SLC38A5: variants seen among roughly 807,000 people sequenced by gnomAD.
SLC38A5 encodes the protein sodium-coupled neutral amino acid transporter 5.
SLC38A5 carries 9 observed loss-of-function variants against 34.6 expected under a neutral mutation model. The observed-to-expected ratio is 0.26, with a 90% CI of 0.16 to 0.45. SLC38A5 has a LOEUF of 0.45. SLC38A5 is among the 20% of genes least tolerant of loss of function. The probability of loss-of-function intolerance (pLI) is 1.00; values close to 1 mark genes in which losing one functional copy is unlikely to be tolerated. For missense variants in SLC38A5, 253 were observed against 394.7 expected (o/e 0.64, Z 3.04); for synonymous variants, 157 against 155.6 (o/e 1.01, Z -0.07).
At chrX:48,463,911 G>GA (rs782068302) in intron 8 of SLC38A5, among the ~76,000 whole-genome samples, 16 of 97,509 alleles carry the variant, frequency 1.6e-4, no homozygotes, top group African/African-American at 5.8e-4. Context: ...AAGAAAGAAA[G>GA]AGAAAGAAAG....
At chrX:48,465,040 G>C (rs2061465983) in intron 8 of SLC38A5, among the ~76,000 whole-genome samples, 1 of 110,991 alleles carries the variant, frequency 9.0e-6, no homozygotes, top group African/African-American at 3.3e-5. Flanking sequence ...TAGCCCATGG[G>C]ACCAGAGGCA....
chrX:48,468,485 G>A (rs1201098529), intron 2 of SLC38A5: 11 of 650,706 alleles, frequency 1.7e-5, no homozygotes, highest in South Asian at 1.6e-4. Flanking sequence ...CCCCAAGCCC[G>A]AGACCAGAGC....
intron 1 of SLC38A5, 62 bp from the exon 2 acceptor site, chrX:48,469,498 G>T (rs1556964497): frequency 9.0e-6 from 1 of 111,274 alleles, no homozygotes; most frequent in Non-Finnish European, 1.9e-5. Flanking sequence ...GGGGGAAGAG[G>T]TGGAGAAGGG....
chrX:48,466,748 T>C, intron 6 of SLC38A5, 51 bp downstream of exon 6: 2 of 1,132,693 alleles, frequency 1.8e-6, no homozygotes, highest in Non-Finnish European at 2.4e-6. Context: ...CTCCAGAGTC[T>C]GGGGTCCAAA....
chrX:48,465,960 C>A (rs1429142306), intron 8 of SLC38A5, 55 bp downstream of exon 8: 2 of 1,006,217 alleles, frequency 2.0e-6, no homozygotes, highest in East Asian at 3.2e-5. Flanking sequence ...ACTGACCGGG[C>A]CTCACAGGCA....
rs1569468277 is a variant in SLC38A5, at chrX:48,458,696, T to TCC, written c.*236_*237insGG. The TCC allele has an allele frequency of 0.013, 5,162 of 392,928 alleles. 283 individuals carry two copies. The African/African-American group carries it at 0.18, about 13-fold the overall frequency. 32.4% of individuals were successfully genotyped at this position (392,928 alleles called of 1,213,427 possible). Reference sequence around the variant, plus strand: ...CCTCCTCCTCCTCCTCCTCCTCCTCTTCTTCCTCCTCCTCCTCCTCCCATG... The same window carrying TCC: ...CCTCCTCCTCCTCCTCCTCCTCCTCTCCTCTTCCTCCTCCTCCTCCTCCCATG... On this transcript the variant is annotated 3_prime_UTR_variant, in exon 17 of 17. Transcript: ENST00000620913.
chrX:48,462,369 G>A, intron 9 of SLC38A5, 78 bp from the exon 10 acceptor site: 1 of 1,015,773 alleles, frequency 9.8e-7, no homozygotes, highest in Non-Finnish European at 1.4e-6. Flanking sequence ...CGCTTTGGGA[G>A]GCCTAAGCGG....
chrX:48,466,187 G>A (rs782494956), intron 7 of SLC38A5, 43 bp downstream of exon 7: 21 of 1,126,602 alleles, frequency 1.9e-5, no homozygotes, highest in South Asian at 1.6e-4. Flanking sequence ...ACCTCACTCC[G>A]CCCTCTCCCC....
At chrX:48,462,832 G>C in intron 9 of SLC38A5, 66 bp downstream of exon 9, 1 of 891,993 alleles carries the variant, frequency 1.1e-6, no homozygotes, top group East Asian at 3.2e-5. Context: ...ATGAATGGGG[G>C]TTTTCTCAGT....
Position 48,458,801 on chromosome X carries a change from G to T in SLC38A5, c.*132C>A. 1 of 1,088,818 alleles carries T rather than the reference G, an allele frequency of 9.2e-7. No homozygotes were observed. Among genetic ancestry groups the T allele is most frequent in the Non-Finnish European group, 1.2e-6 (1 of 834,853 alleles). 89.7% of individuals were successfully genotyped at this position (1,088,818 alleles called of 1,213,427 possible). On this transcript the variant is annotated 3_prime_UTR_variant, in exon 17 of 17. Coordinates refer to ENST00000620913, the MANE Select transcript of SLC38A5 (RefSeq NM_033518.4). ...GGAAGTGGGCCAGTCTGCAGCCTCT[G>T]CTGTCCCCCGCCTCTGACAACCACG...
At chrX:48,461,291 C>G (rs2061432370) in intron 12 of SLC38A5, among the ~76,000 whole-genome samples, 1 of 110,993 alleles carries the variant, frequency 9.0e-6, no homozygotes, top group African/African-American at 3.3e-5. Flanking sequence ...TGACTGTCTC[C>G]CTCTCCCCTG....
In SLC38A5 at chrX:48,458,888, C is replaced by A. The variant is rs782302778; in HGVS notation, c.*45G>T. 5 of 1,156,267 alleles carry A rather than the reference C, an allele frequency of 4.3e-6. No homozygotes were observed. The highest frequency in any genetic ancestry group is 5.8e-6 in the Non-Finnish European group (5 of 866,879). ...AGGGACCCTAGGGAGCGGCCCTGACCCCTCCATGTGCATGCGCACAGGGAC... is the reference window on the plus strand; with the variant it reads ...AGGGACCCTAGGGAGCGGCCCTGACACCTCCATGTGCATGCGCACAGGGAC... On this transcript the variant is annotated 3_prime_UTR_variant, in exon 17 of 17. Transcript: ENST00000620913.
chrX:48,465,033 C>T (rs2061465951), intron 8 of SLC38A5, among the ~76,000 whole-genome samples: 2 of 111,036 alleles, frequency 1.8e-5, no homozygotes, highest in South Asian at 7.6e-4. Flanking sequence ...GCAGAGTTAG[C>T]CCATGGGACC....
intron 8 of SLC38A5, 42 bp downstream of exon 8, chrX:48,465,973 G>A: frequency 1.8e-6 from 2 of 1,093,003 alleles, no homozygotes; most frequent in Non-Finnish European, 2.5e-6. Context: ...CACAGGCAGA[G>A]TCAAGGGGCT....
chrX:48,466,773 A>T, intron 6 of SLC38A5, 26 bp downstream of exon 6: 1 of 1,174,582 alleles, frequency 8.5e-7, no homozygotes, highest in South Asian at 1.9e-5. Flanking sequence ...TGGAGTGGGG[A>T]CTGGGATCCA....
At chrX:48,460,599 T>C in intron 14 of SLC38A5, 50 bp downstream of exon 14, 1 of 1,134,111 alleles carries the variant, frequency 8.8e-7, no homozygotes, top group Non-Finnish European at 1.2e-6. Context: ...TCCATGCCTA[T>C]GCCCTCTACC....
Position 48,466,949 on chromosome X carries a change from C to T in SLC38A5, c.245+13G>A, listed in dbSNP as rs1556963572. 3.3e-6 allele frequency: 4 copies of T among 1,210,370 alleles called. No homozygotes were observed. In the Admixed American group the frequency reaches 6.5e-5, roughly 20 times the overall value. On this transcript the variant is annotated intron_variant, in intron 5 of 16. Coordinates refer to ENST00000620913, the MANE Select transcript of SLC38A5 (RefSeq NM_033518.4). Reference sequence around the variant, plus strand: ...ACAACACCCCTGGCCCCGCAGGCCACCTATGGACTCACAGGAAGAAGATGA... The same window carrying T: ...ACAACACCCCTGGCCCCGCAGGCCATCTATGGACTCACAGGAAGAAGATGA...
chrX:48,459,179 C>G (rs981973208), intron 16 of SLC38A5, 145 bp from the exon 17 acceptor site: 86 of 613,381 alleles, frequency 1.4e-4, no homozygotes, highest in Middle Eastern at 4.3e-4. Context: ...TTCCTTACAG[C>G]CAGCCCCTTT....
At position 48,459,795 on chromosome X, in the gene SLC38A5, G is replaced by A; in HGVS notation, c.1150C>T (p.Leu384Phe). The change falls in exon 15 of 17, where the codon CTT becomes TTT. Residue 384 changes from leucine to phenylalanine, a missense_variant. Physicochemically the swap from Leu to Phe is conservative, Grantham distance 22 (BLOSUM62 0). This residue lies in a region of SLC38A5 where 176 missense variants were observed against 273.0 expected (regional missense o/e 0.64). Coordinates refer to ENST00000620913, the MANE Select transcript of SLC38A5 (RefSeq NM_033518.4). Reference sequence around the variant, plus strand: ...ATGACAAGGACATTGACCAAAACAAGCAGGATCAGAGCTATGGCCACATGT... The same window carrying A: ...ATGACAAGGACATTGACCAAAACAAACAGGATCAGAGCTATGGCCACATGT... ...PRHVAIALIL[L>F]VLVNVLVICV... 2.5e-6 allele frequency: 3 copies of A among 1,211,743 alleles called. No individual in the cohort carries two copies. The highest frequency in any genetic ancestry group is 3.4e-6 in the Non-Finnish European group (3 of 895,443).
Sources: allele counts gnomAD v4.1 joint callset (sites outside exome capture counted in the v4.1 genomes callset), GRCh38; gene constraint gnomAD v4.1.1; regional missense constraint gnomAD v4.1.1; transcripts MANE v1.5; gene names NCBI Gene and HGNC (gene_info 2026-07-23, HGNC 2026-07-21).